GSE1: variants seen among roughly 807,000 people sequenced by gnomAD.
GSE1 encodes genetic suppressor element 1.
In GSE1, 32 loss-of-function variants were observed where a neutral mutation model predicts 112.6. The ratio of observed to expected loss-of-function variants is 0.28; its 90% confidence interval spans 0.21 to 0.38. The LOEUF (loss-of-function observed/expected upper bound fraction) is 0.38, where lower values mean the gene tolerates loss of function less well. Ranked by LOEUF, GSE1 falls within the 10% of genes least tolerant of loss-of-function variation. The pLI is 1.00. For missense variants in GSE1, 2,348 were observed against 1,699.2 expected, an observed-to-expected ratio of 1.38 and a Z score of -6.71; for synonymous variants, 1,115 against 735.6, an observed-to-expected ratio of 1.52 and a Z score of -8.35.
Position 85,627,044 on chromosome 16 carries a change from C to CTTTTTTTTTTTTTTTTTTTTTTTTT in GSE1, c.8-6862_8-6838dup, listed in dbSNP as rs564272210. 1.7e-3 allele frequency among the ~76,000 whole-genome samples: 42 copies of CTTTTTTTTTTTTTTTTTTTTTTTTT among 25,068 alleles called. 6 individuals carry two copies. The highest frequency in any genetic ancestry group is 4.4e-3 in the South Asian group (2 of 456). 16.4% of individuals were successfully genotyped at this position (25,068 alleles called of 152,430 possible). A position where few individuals can be genotyped will look rare whatever the true frequency, so the allele number is the denominator to read the frequency against. On this transcript the variant is annotated intron_variant, in intron 1 of 15. Coordinates refer to ENST00000253458, the MANE Select transcript of GSE1 (RefSeq NM_014615.5). ...GGACTTTGCTTCCTTTTCTTCTTGC[C>CTTTTTTTTTTTTTTTTTTTTTTTTT]TTTTTTTTTTTTTTTTTTTTTTTTT...
chr16:85,170,107 C>T, exon 1 of GSE1: 3 of 985,244 alleles, frequency 3.0e-6, no homozygotes, highest in Non-Finnish European at 3.6e-6. Context: ...CGCCGCCAGC[C>T]CCCACCAGGA....
chr16:85,478,903 CTTTCTTTCTTTCTTTCTTT>C (rs2050567981), intron 2 of GSE1, among the ~76,000 whole-genome samples: 2 of 67,532 alleles, frequency 3.0e-5, no homozygotes, highest in Non-Finnish European at 5.6e-5. Flanking sequence ...TTCTTTCTTT[CTTTCTTTCTTTCTTTCTTT>C]CTTTCTCTTT....
intron 2 of GSE1, among the ~76,000 whole-genome samples, chr16:85,492,316 T>C (rs1021902598): frequency 2.0e-5 from 3 of 152,064 alleles, no homozygotes; most frequent in African/African-American, 7.2e-5. Context: ...GTTCGGGGAC[T>C]CAGATTCTGT....
At chr16:85,491,525 C>A (rs1023572526) in intron 2 of GSE1, among the ~76,000 whole-genome samples, 1 of 152,148 alleles carries the variant, frequency 6.6e-6, no homozygotes, top group Non-Finnish European at 1.5e-5. Flanking sequence ...TCAGAAGCTG[C>A]CCTCTGGCAG....
intron 1 of GSE1, among the ~76,000 whole-genome samples, chr16:85,328,554 C>T (rs1168644357): frequency 6.6e-6 from 1 of 152,178 alleles, no homozygotes; most frequent in African/African-American, 2.4e-5. Flanking sequence ...TGGGAGGTGC[C>T]CCTGCTTCCC....
intron 2 of GSE1, among the ~76,000 whole-genome samples, chr16:85,432,664 A>C (rs2049149442): frequency 6.6e-6 from 1 of 152,174 alleles, no homozygotes; most frequent in Non-Finnish European, 1.5e-5. Context: ...CCCATTTCTA[A>C]TGAAAAAACA....
In GSE1 at chr16:85,657,534, G is replaced by C. The variant is rs747368161; in HGVS notation, c.1570G>C (p.Glu524Gln). 6.2e-7 allele frequency: 1 copy of C among 1,602,788 alleles called. No homozygotes were observed. Among genetic ancestry groups the C allele is most frequent in the Non-Finnish European group, 8.5e-7 (1 of 1,174,688 alleles). Residue 524 changes from glutamate (E) to glutamine (Q), a missense_variant, in exon 8 of 16, where the codon GAG becomes CAG. Transcript: ENST00000253458. The part of the protein sequence containing the change: ...QVSEFRQQVL[E>Q]QHLDMGRPPV... ...GTCCGAGTTCCGGCAGCAGGTGCTG[G>C]AGCAGCACCTGGATATGGGCCGGCC...
exon 1 of GSE1, chr16:85,169,626 C>T: frequency 1.0e-6 from 1 of 983,406 alleles, no homozygotes; most frequent in Non-Finnish European, 1.2e-6. Flanking sequence ...TCATCTGCGG[C>T]GGCGGCATCG....
At chr16:85,490,575 G>A (rs1226037289) in intron 2 of GSE1, 1 of 152,266 alleles carries the variant, frequency 6.6e-6, no homozygotes, top group African/African-American at 2.4e-5. Flanking sequence ...AGCTCCTGCT[G>A]CTCCTGAGGA....
chr16:85,342,503 A>T (rs2046645756), intron 1 of GSE1, among the ~76,000 whole-genome samples: 1 of 152,044 alleles, frequency 6.6e-6, no homozygotes, highest in Non-Finnish European at 1.5e-5. Flanking sequence ...TTGAGCTGAG[A>T]GCTCAGGGCG....
intron 2 of GSE1, among the ~76,000 whole-genome samples, chr16:85,401,408 T>C (rs1207511885): frequency 1.3e-5 from 2 of 152,166 alleles, no homozygotes; most frequent in Non-Finnish European, 2.9e-5. Flanking sequence ...AGAAAGATGC[T>C]GCTGCCCCAG....
intron 2 of GSE1, among the ~76,000 whole-genome samples, chr16:85,541,888 C>A (rs2044532181): frequency 6.6e-6 from 1 of 152,220 alleles, no homozygotes; most frequent in Non-Finnish European, 1.5e-5. Context: ...CTCCCCAGCA[C>A]TGGGAACGGG....
At chr16:85,171,241 G>A (rs997351968) in exon 1 of GSE1, 3 of 985,592 alleles carry the variant, frequency 3.0e-6, no homozygotes, top group African/African-American at 1.7e-5. Context: ...GGCCTTCTCC[G>A]CCTCCGACCC....
chr16:85,594,653 C>T (rs1308390397), intron 1 of GSE1: 1 of 152,292 alleles, frequency 6.6e-6, no homozygotes, highest in Non-Finnish European at 1.5e-5. Context: ...GAGCAAGTTT[C>T]TCAGCCTCTC....
rs1182629889 is a variant in GSE1, at chr16:85,663,580, C to T, written c.2610C>T (p.Phe870=). 4 of 1,613,992 alleles carry T rather than the reference C, an allele frequency of 2.5e-6. No individual in the cohort carries two copies. In the South Asian group the frequency reaches 3.3e-5, roughly 13 times the overall value. Residue 870 remains phenylalanine, a synonymous_variant, in exon 11 of 16, where the codon TTC becomes TTT. Coordinates refer to ENST00000253458, the MANE Select transcript of GSE1 (RefSeq NM_014615.5). ...AAAAGAAGAAGTTCCTGACCATCTTCAACCTGACCCACATCAGCGCTGAGA... is the reference window on the plus strand; with the variant it reads ...AAAAGAAGAAGTTCCTGACCATCTTTAACCTGACCCACATCAGCGCTGAGA... ...FEEKKKFLTI[F]NLTHISAEKR... is the part of the protein sequence containing the mutation.
At chr16:85,395,966 C>T (rs1023443132) in intron 2 of GSE1, among the ~76,000 whole-genome samples, 4 of 152,252 alleles carry the variant, frequency 2.6e-5, no homozygotes, top group African/African-American at 9.6e-5. Context: ...TGTCCCCCGG[C>T]TGGTATGTCC....
intron 1 of GSE1, among the ~76,000 whole-genome samples, chr16:85,343,911 C>T (rs987797634): frequency 6.6e-6 from 1 of 152,208 alleles, no homozygotes; most frequent in Non-Finnish European, 1.5e-5. Context: ...TCCTCCCGTG[C>T]CACTTGCTCC....
chr16:85,581,586 TC>T (rs1322341843), intron 1 of GSE1, among the ~76,000 whole-genome samples: 1 of 152,126 alleles, frequency 6.6e-6, no homozygotes, highest in Non-Finnish European at 1.5e-5. Context: ...GCTCTCCTCT[TC>T]CGTAGAAGTT....
Position 85,556,392 on chromosome 16 carries a change from C to T in GSE1, c.37+29C>T, listed in dbSNP as rs1598167542. The T allele has an allele frequency of 7.2e-6, 7 of 977,218 alleles. No individual in the cohort carries two copies. In the South Asian group the frequency reaches 1.4e-4, roughly 20 times the overall value. The allele number at this position is 977,218 out of a possible 1,614,324, so 60.5% of individuals were successfully genotyped here. A position where few individuals can be genotyped will look rare whatever the true frequency, so the allele number is the denominator to read the frequency against. On this transcript the variant is annotated intron_variant, in intron 1 of 2. Transcript: ENST00000635906. ...AGCGAGCCGTGCGCCTCCCTGGGTCCCGCGCGGCGCCGGCGCGCCCGGGAC... is the reference window on the plus strand; with the variant it reads ...AGCGAGCCGTGCGCCTCCCTGGGTCTCGCGCGGCGCCGGCGCGCCCGGGAC...
Sources: gnomAD v4.1 joint callset for allele counts (sites outside exome capture counted in the v4.1 genomes callset) on GRCh38, gnomAD v4.1.1 for gene constraint, MANE v1.5 for transcripts, NCBI Gene and HGNC (gene_info 2026-07-23, HGNC 2026-07-21) for gene names.